The following VPS8 variants were observed in gnomAD, a reference collection of about 807,000 sequenced individuals.
VPS8 encodes VPS8 subunit of CORVET complex, also known as vacuolar protein sorting-associated protein 8 homolog.
In VPS8, 129 loss-of-function variants were observed where a neutral mutation model predicts 216.4. That is an observed-to-expected ratio of 0.60 (90% confidence interval 0.52 to 0.69). The LOEUF is 0.69. Among genes scored for constraint, VPS8 ranks in the 30% least tolerant of loss-of-function variants. The probability of loss-of-function intolerance (pLI) is 0.00; values close to 1 mark genes in which losing one functional copy is unlikely to be tolerated. For missense variants in VPS8, 1,531 were observed against 1,683.5 expected, an observed-to-expected ratio of 0.91 and a Z score of 1.59; for synonymous variants, 571 against 565.4, an observed-to-expected ratio of 1.01 and a Z score of -0.14.
At chr3:184,952,678 G>A (rs1306861219) in intron 36 of VPS8, among the ~76,000 whole-genome samples, 5 of 152,332 alleles carry the variant, frequency 3.3e-5, no homozygotes, top group African/African-American at 9.6e-5. Flanking sequence ...ACGCCTTTTT[G>A]TGGGACCCGT....
chr3:185,036,675 A>G (rs1054278181), intron 46 of VPS8, among the ~76,000 whole-genome samples: 1 of 151,754 alleles, frequency 6.6e-6, no homozygotes, highest in Non-Finnish European at 1.5e-5. Flanking sequence ...CCATTTATAT[A>G]TATACTCCTA....
intron 45 of VPS8, among the ~76,000 whole-genome samples, chr3:185,000,262 G>A (rs1753220948): frequency 6.6e-6 from 1 of 152,170 alleles, no homozygotes; most frequent in Admixed American, 6.5e-5. Flanking sequence ...GATGGACAAG[G>A]TGCATACACA....
chr3:184,915,223 A>G, intron 27 of VPS8, 132 bp from the exon 28 acceptor site: 1 of 1,352,146 alleles, frequency 7.4e-7, no homozygotes, highest in Non-Finnish European at 1.0e-6. Context: ...AGAATTTAAG[A>G]GAGAACTTAA....
chr3:184,932,642 T>C (rs1358182595), intron 34 of VPS8, among the ~76,000 whole-genome samples: 1 of 152,188 alleles, frequency 6.6e-6, no homozygotes, highest in African/African-American at 2.4e-5. Context: ...TTTCTTACCT[T>C]TTTGTATACT....
intron 1 of VPS8, among the ~76,000 whole-genome samples, chr3:184,817,606 G>T (rs548534296): frequency 6.6e-6 from 1 of 152,290 alleles, no homozygotes; most frequent in South Asian, 2.1e-4. Context: ...CATATAAGTA[G>T]TATTCAATTA....
Position 185,048,462 on chromosome 3 carries a change from C to CCT in VPS8, c.4057-17_4057-16insCT. The CCT allele has an allele frequency of 1.2e-6, 2 of 1,613,018 alleles. No homozygotes were observed. Among genetic ancestry groups the CCT allele is most frequent in the East Asian group, 2.2e-5 (1 of 44,852 alleles). On this transcript the variant is annotated splice_polypyrimidine_tract_variant and intron_variant, in intron 46 of 47. Transcript: ENST00000625842. The stretch of plus-strand genomic sequence containing the variant: ...AGCCACGTGATGTTGTTAATCGTAT[C>CCT]GGTTTTTATTTTTCAGGGAACCTCA...
Position 185,047,914 on chromosome 3 carries a change from C to T in VPS8, c.4057-565C>T, listed in dbSNP as rs1713296579. Among the ~76,000 whole-genome samples, 2 of 152,150 alleles carry T rather than the reference C, an allele frequency of 1.3e-5. 1 individual carries two copies. Among genetic ancestry groups the T allele is most frequent in the South Asian group, 4.1e-4 (2 of 4,830 alleles). On this transcript the variant is annotated intron_variant, in intron 46 of 47. Coordinates refer to ENST00000625842, the MANE Select transcript of VPS8 (RefSeq NM_001009921.3). The stretch of plus-strand genomic sequence containing the variant: ...GGATCAGGTCCACTGAGAGAAGAAC[C>T]GCAGTTTGGCAGGTCCCACCACAAT...
Position 184,996,333 on chromosome 3 carries a change from C to A in VPS8, c.3668C>A (p.Thr1223Asn), listed in dbSNP as rs777952587. ...GTTTTTTGTTTTGGTGTTTCATAGACCCTGCTGGAAACAACAACCAGCCTT... is the reference window on the plus strand; with the variant it reads ...GTTTTTTGTTTTGGTGTTTCATAGAACCTGCTGGAAACAACAACCAGCCTT... ...GMLDTFNYEQTLLETTTSLLN... is the reference protein window; with the variant it reads ...GMLDTFNYEQNLLETTTSLLN... Residue 1223 changes from threonine (T) to asparagine (N), a missense_variant and splice_region_variant, in exon 44 of 48, where the codon ACC becomes AAC. By Grantham distance (65) the Thr-to-Asn change is moderately conservative. Transcript: ENST00000625842. 6 of 1,609,146 alleles carry A rather than the reference C, an allele frequency of 3.7e-6. No homozygotes were observed. The East Asian group carries it at 1.1e-4, about 30-fold the overall frequency.
At chr3:184,932,627 G>A (rs1445447688) in intron 34 of VPS8, among the ~76,000 whole-genome samples, 1 of 152,012 alleles carries the variant, frequency 6.6e-6, no homozygotes, top group Non-Finnish European at 1.5e-5. Flanking sequence ...TGGTTTTTGT[G>A]ACAGTTTCTT....
chr3:184,852,222 A>G (rs1315022796), intron 10 of VPS8, among the ~76,000 whole-genome samples: 1 of 152,186 alleles, frequency 6.6e-6, no homozygotes, highest in Non-Finnish European at 1.5e-5. Context: ...AGAGAACTTT[A>G]GGGTTTTTAA....
At chr3:185,047,093 T>A (rs761645503) in intron 46 of VPS8, among the ~76,000 whole-genome samples, 12 of 152,140 alleles carry the variant, frequency 7.9e-5, no homozygotes, top group Non-Finnish European at 1.6e-4. Context: ...CCAACCTCCT[T>A]CATTACCCAG....
chr3:184,930,439 T>G (rs749135883), intron 33 of VPS8, 31 bp from the exon 34 acceptor site: 1 of 1,523,812 alleles, frequency 6.6e-7, no homozygotes, highest in South Asian at 1.1e-5. Flanking sequence ...AGTGAGTGAA[T>G]GAATAAATTA....
At chr3:185,007,176 C>T (rs984675072) in intron 45 of VPS8, among the ~76,000 whole-genome samples, 1 of 152,180 alleles carries the variant, frequency 6.6e-6, no homozygotes, top group African/African-American at 2.4e-5. Flanking sequence ...CCTTATCTCC[C>T]CCTCTTCCTC....
intron 1 of VPS8, among the ~76,000 whole-genome samples, chr3:184,820,984 T>TA (rs2108489298): frequency 6.6e-6 from 1 of 152,380 alleles, no homozygotes; most frequent in Non-Finnish European, 1.5e-5. Context: ...ATCGTTCTGA[T>TA]ATGCTTAGCA....
chr3:185,010,438 C>G (rs1246430814), intron 45 of VPS8, among the ~76,000 whole-genome samples: 1 of 151,880 alleles, frequency 6.6e-6, no homozygotes, highest in Non-Finnish European at 1.5e-5. Context: ...ACAGAAATGA[C>G]CCAGATAATA....
At chr3:185,032,768 G>C (rs11925956) in intron 46 of VPS8, among the ~76,000 whole-genome samples, 14,760 of 151,976 alleles carry the variant, frequency 0.097, 1,741 homozygotes, top group African/African-American at 0.28. Context: ...CGGGTTCATG[G>C]CATTCTCCTG....
At chr3:184,836,662 C>T (rs1721148422) in intron 5 of VPS8, among the ~76,000 whole-genome samples, 1 of 152,150 alleles carries the variant, frequency 6.6e-6, no homozygotes, top group South Asian at 2.1e-4. Flanking sequence ...ATTTAAATTG[C>T]ATGCTTTCCT....
intron 1 of VPS8, among the ~76,000 whole-genome samples, chr3:184,820,889 C>G (rs1232008339): frequency 6.6e-6 from 1 of 152,292 alleles, no homozygotes; most frequent in African/African-American, 2.4e-5. Context: ...TATTAAGTGT[C>G]TCTGTTGCTT....
At chr3:184,866,245 C>G (rs1201714970) in intron 16 of VPS8, among the ~76,000 whole-genome samples, 1 of 152,190 alleles carries the variant, frequency 6.6e-6, no homozygotes, top group African/African-American at 2.4e-5. Context: ...TGATACTTGG[C>G]TACAACATGG....
Sources: gnomAD v4.1 joint callset for allele counts (sites outside exome capture counted in the v4.1 genomes callset) on GRCh38, gnomAD v4.1.1 for gene constraint, MANE v1.5 for transcripts, NCBI Gene and HGNC (gene_info 2026-07-23, HGNC 2026-07-21) for gene names.